Variants in VPS4A observed in about 807,000 individuals in gnomAD.
The protein encoded by VPS4A is vacuolar protein sorting 4 homolog A, also known as vacuolar protein sorting-associated protein 4A.
Under a neutral mutation model 52.3 loss-of-function variants are expected in VPS4A, and 20 were observed. That is an observed-to-expected ratio of 0.38 (90% CI 0.27 to 0.56). VPS4A has a LOEUF of 0.56. Among genes scored for constraint, VPS4A ranks in the 20% least tolerant of loss-of-function variants. The pLI is 0.72. For synonymous variants in VPS4A, 293 were observed against 227.7 expected, an observed-to-expected ratio of 1.29 and a Z score of -2.58; for missense variants, 419 against 575.9, an observed-to-expected ratio of 0.73 and a Z score of 2.79.
intron 10 of VPS4A, chr16:69,323,541 G>C (rs974259806): frequency 2.3e-6 from 1 of 425,650 alleles, no homozygotes; most frequent in African/African-American, 2.0e-5. Flanking sequence ...CAGTGAGGCA[G>C]TGAATGTGTC....
intron 1 of VPS4A, among the ~76,000 whole-genome samples, chr16:69,314,337 T>C (rs1965411069): frequency 6.6e-6 from 1 of 152,072 alleles, no homozygotes; most frequent in Non-Finnish European, 1.5e-5. Flanking sequence ...CTGCTCCTTA[T>C]GGGACAAAGA....
chr16:69,322,108 A>G (rs1232970871), intron 9 of VPS4A: 1 of 166,982 alleles, frequency 6.0e-6, no homozygotes, highest in South Asian at 1.7e-4. Flanking sequence ...AAATGAAGAA[A>G]CAAAAGTGGA....
chr16:69,320,839 GGCA>G lies in VPS4A; in HGVS notation c.851+73_851+75del. ...CCATGGTCACGGTCCGCCTGCTGCT[GGCA>G]GCCCGGGTGCAGCCTGGCCCCTTTT... On this transcript the variant is annotated intron_variant, in intron 8 of 10. Coordinates refer to ENST00000254950, the MANE Select transcript of VPS4A (RefSeq NM_013245.3). This position sits in a 1 kb window ranked among gnomAD's most constrained non-coding sequence, Gnocchi z 4.2. 10 of 1,476,458 alleles carry G rather than the reference GGCA, an allele frequency of 6.8e-6. No homozygotes were observed. In the South Asian group the frequency reaches 7.3e-5, roughly 11 times the overall value. 91.5% of individuals were successfully genotyped at this position (1,476,458 alleles called of 1,614,324 possible).
Position 69,311,389 on chromosome 16 carries a change from C to G in VPS4A, c.-123C>G. 9.0e-7 allele frequency: 1 copy of G among 1,108,052 alleles called. No homozygotes were observed. The allele number at this position is 1,108,052 out of a possible 1,614,324, so 68.6% of individuals were successfully genotyped here. ...CTCCCGCTGCGAGCGGCCGCCCTGC[C>G]CGCGCACCGCGCTCAGCGCCCACCG... On this transcript the variant is annotated 5_prime_UTR_variant, in exon 1 of 11. Transcript: ENST00000254950.
chr16:69,323,277 C>A (rs1213494671), intron 10 of VPS4A: 2 of 190,190 alleles, frequency 1.1e-5, no homozygotes, highest in Admixed American at 5.6e-5. Context: ...TGACCTCAGC[C>A]TCCTGAGTAG....
At chr16:69,312,370 A>T (rs1000410487) in intron 1 of VPS4A, among the ~76,000 whole-genome samples, 1 of 152,180 alleles carries the variant, frequency 6.6e-6, no homozygotes, top group South Asian at 2.1e-4. Flanking sequence ...GCAAGACTTC[A>T]TGGAAGAAGG....
intron 10 of VPS4A, chr16:69,323,795 C>T (rs1411174248): frequency 5.2e-6 from 2 of 381,886 alleles, no homozygotes; most frequent in East Asian, 7.2e-5. Context: ...GCTAAAAATA[C>T]AAAAATCAGC....
chr16:69,323,249 C>G (rs79514440), intron 10 of VPS4A: 4 of 178,834 alleles, frequency 2.2e-5, no homozygotes, highest in East Asian at 1.7e-4. Flanking sequence ...CTTGACCTCA[C>G]GAGCTCACAC....
intron 6 of VPS4A, among the ~76,000 whole-genome samples, chr16:69,319,824 G>T (rs1454667548): frequency 1.3e-5 from 2 of 152,186 alleles, no homozygotes; most frequent in African/African-American, 4.8e-5. Flanking sequence ...GTGTGTGGGG[G>T]ACATGGTTCC....
At chr16:69,312,904 G>C (rs1243229995) in intron 1 of VPS4A, among the ~76,000 whole-genome samples, 2 of 149,354 alleles carry the variant, frequency 1.3e-5, no homozygotes, top group Non-Finnish European at 3.0e-5. Context: ...TGAGCCACGG[G>C]TCTGGCCTAA....
Position 69,321,325 on chromosome 16 carries a change from G to GT in VPS4A, c.1071+55_1071+56insT, listed in dbSNP as rs1652447050. On this transcript the variant is annotated intron_variant, in intron 9 of 10. Coordinates refer to ENST00000254950, the MANE Select transcript of VPS4A (RefSeq NM_013245.3). This position sits in a 1 kb window ranked among gnomAD's most constrained non-coding sequence, Gnocchi z 4.5. ...ATCTCATAGTAAGAGCGGGATGTTC[G>GT]GTTTTTTTTTTCCCAGCTCCTGGTC... 2.2e-3 allele frequency: 3,088 copies of GT among 1,394,582 alleles called. No individual in the cohort carries two copies. Among genetic ancestry groups the GT allele is most frequent in the South Asian group, 3.3e-3 (236 of 72,318 alleles). The allele number at this position is 1,394,582 out of a possible 1,614,324, so 86.4% of individuals were successfully genotyped here. A position where few individuals can be genotyped will look rare whatever the true frequency, so the allele number is the denominator to read the frequency against.
At chr16:69,323,836 G>C in intron 10 of VPS4A, 1 of 365,342 alleles carries the variant, frequency 2.7e-6, no homozygotes, top group South Asian at 2.0e-5. Flanking sequence ...TGTAGTCCCA[G>C]CTATTTGGGA....
rs371219309 is a variant in VPS4A at position 69,319,409 on chromosome 16, G to T, written c.486G>T (p.Gly162=). ...CAGGCAAGCGCACCCCCTGGCGGGG[G>T]ATTCTGCTGTTCGGACCCCCTGGCA... ...LFTGKRTPWR[G]ILLFGPPGTG... The change falls in exon 6 of 11, where the codon GGG becomes GGT. Residue 162 remains glycine, a synonymous_variant. Coordinates refer to ENST00000254950, the MANE Select transcript of VPS4A (RefSeq NM_013245.3). 1.7e-5 allele frequency: 27 copies of T among 1,613,866 alleles called. No homozygotes were observed. Among genetic ancestry groups the T allele is most frequent in the Admixed American group, 3.3e-5 (2 of 60,006 alleles).
intron 3 of VPS4A, among the ~76,000 whole-genome samples, chr16:69,317,953 CAA>C (rs35907075): frequency 5.6e-4 from 26 of 46,060 alleles, no homozygotes; most frequent in African/African-American, 1.7e-3. Context: ...GGCACCATCT[CAA>C]AAAAAAAAAA....
intron 3 of VPS4A, among the ~76,000 whole-genome samples, 151 bp downstream of exon 3, chr16:69,316,523 C>T (rs1196338938): frequency 6.6e-6 from 1 of 152,144 alleles, no homozygotes; most frequent in African/African-American, 2.4e-5. Context: ...GGAGCATGGC[C>T]TGGAGCACTT....
At chr16:69,315,955 G>A in intron 1 of VPS4A, 53 bp from the exon 2 acceptor site, 1 of 1,520,342 alleles carries the variant, frequency 6.6e-7, no homozygotes, top group Non-Finnish European at 9.1e-7. Flanking sequence ...TGTGACCCCA[G>A]GGACTTTCCA....
intron 6 of VPS4A, 59 bp downstream of exon 6, chr16:69,319,602 G>C: frequency 6.4e-7 from 1 of 1,561,224 alleles, no homozygotes; most frequent in Non-Finnish European, 8.7e-7. Context: ...GTGACCCAGC[G>C]GCCCACCCTG....
chr16:69,324,061 C>A, intron 10 of VPS4A, 147 bp from the exon 11 acceptor site: 1 of 687,296 alleles, frequency 1.5e-6, no homozygotes. Flanking sequence ...GGAAGAGGGT[C>A]CCTGCCATAG....
In VPS4A at chr16:69,321,690, G is replaced by A. The variant is rs959298843; in HGVS notation, c.1071+420G>A. On this transcript the variant is annotated intron_variant, in intron 9 of 10. Coordinates refer to ENST00000254950, the MANE Select transcript of VPS4A (RefSeq NM_013245.3). The surrounding 1 kb of genome is among the most constrained non-coding windows in gnomAD (Gnocchi z 4.5). ...TGTGCCCGGCCCTGTCCTAAGTGCT[G>A]GGAAGATATGAGTGACCAACAGACA... is the stretch of plus-strand genomic sequence containing the variant. 3 of 212,884 alleles carry A rather than the reference G, an allele frequency of 1.4e-5. No individual in the cohort carries two copies. Among genetic ancestry groups the A allele is most frequent in the South Asian group, 7.7e-5 (1 of 13,064 alleles). 13.2% of individuals were successfully genotyped at this position (212,884 alleles called of 1,614,324 possible).
Sources: gnomAD v4.1 joint callset for allele counts (sites outside exome capture counted in the v4.1 genomes callset) on GRCh38, gnomAD v4.1.1 for gene constraint, Gnocchi (gnomAD v3.1) non-coding constraint, MANE v1.5 for transcripts, NCBI Gene and HGNC (gene_info 2026-07-23, HGNC 2026-07-21) for gene names.